The following ARHGEF3 variants were observed in gnomAD, a reference collection of about 807,000 sequenced individuals.
ARHGEF3 encodes the protein Rho guanine nucleotide exchange factor 3.
A neutral mutation model predicts 63.2 loss-of-function variants in ARHGEF3; 28 were observed. That is an observed-to-expected ratio of 0.44 (90% CI 0.33 to 0.61). ARHGEF3 has a LOEUF of 0.61. Among genes scored for constraint, ARHGEF3 ranks in the 20% least tolerant of loss-of-function variants. ARHGEF3 has a pLI of 0.03. For synonymous variants in ARHGEF3, 266 were observed against 254.2 expected (o/e 1.05, Z -0.44); for missense variants, 533 against 659.3 (o/e 0.81, Z 2.10).
intron 4 of ARHGEF3, among the ~76,000 whole-genome samples, chr3:56,853,715 C>T (rs1307309265): frequency 6.6e-6 from 1 of 152,230 alleles, no homozygotes; most frequent in Non-Finnish European, 1.5e-5. Flanking sequence ...ACCTCTTCCA[C>T]AAGCCATGGA....
At chr3:56,964,702 G>A (rs72870600) in intron 2 of ARHGEF3, among the ~76,000 whole-genome samples, 3 of 152,204 alleles carry the variant, frequency 2.0e-5, no homozygotes, top group African/African-American at 7.2e-5. Flanking sequence ...AAGTGGTAGT[G>A]AGGAGTGCCG....
At chr3:56,785,655 G>A (rs986838959) in intron 1 of ARHGEF3, among the ~76,000 whole-genome samples, 14 of 152,176 alleles carry the variant, frequency 9.2e-5, no homozygotes, top group Non-Finnish European at 1.6e-4. Context: ...CTTCCCAGAA[G>A]AGGAAAAAGA....
chr3:56,952,886 C>A (rs1489207002), intron 3 of ARHGEF3, among the ~76,000 whole-genome samples: 1 of 152,290 alleles, frequency 6.6e-6, no homozygotes, highest in East Asian at 1.9e-4. Flanking sequence ...CACGTCTAAC[C>A]TCCTTTGAGG....
At chr3:56,763,426 G>A (rs2035534852) in intron 2 of ARHGEF3, among the ~76,000 whole-genome samples, 1 of 152,142 alleles carries the variant, frequency 6.6e-6, no homozygotes, top group Admixed American at 6.5e-5. Context: ...ATAACTCCTA[G>A]GGAAAGAAAA....
intron 2 of ARHGEF3, among the ~76,000 whole-genome samples, chr3:57,024,636 C>T (rs11929671): frequency 0.26 from 39,596 of 151,786 alleles, 5,532 homozygotes; most frequent in Middle Eastern, 0.33. Flanking sequence ...TACAGGCACC[C>T]GCCACCACAC....
intron 3 of ARHGEF3, among the ~76,000 whole-genome samples, chr3:56,916,843 G>C (rs1028704608): frequency 6.6e-6 from 1 of 152,148 alleles, no homozygotes; most frequent in African/African-American, 2.4e-5. Flanking sequence ...CCAAGAATCA[G>C]TAGCCCTGTC....
intron 1 of ARHGEF3, among the ~76,000 whole-genome samples, chr3:57,056,854 C>A (rs773848689): frequency 2.0e-5 from 3 of 151,978 alleles, no homozygotes; most frequent in Non-Finnish European, 4.4e-5. Context: ...CTGGTCCACC[C>A]TGAAATCCTT....
intron 2 of ARHGEF3, among the ~76,000 whole-genome samples, chr3:56,990,924 G>A (rs1011710757): frequency 2.0e-5 from 3 of 152,142 alleles, no homozygotes; most frequent in Admixed American, 6.5e-5. Context: ...GAGATGAGCC[G>A]TGTACACTCA....
chr3:56,963,194 G>A (rs1370211257), intron 2 of ARHGEF3, among the ~76,000 whole-genome samples: 3 of 151,966 alleles, frequency 2.0e-5, no homozygotes, highest in Non-Finnish European at 4.4e-5. Context: ...AAAATTGAAG[G>A]AATAAATTCA....
At chr3:56,875,190 G>A (rs1454535006) in intron 4 of ARHGEF3, among the ~76,000 whole-genome samples, 1 of 152,146 alleles carries the variant, frequency 6.6e-6, no homozygotes, top group Non-Finnish European at 1.5e-5. Context: ...GTAGCACAGT[G>A]CCCATCACAT....
intron 3 of ARHGEF3, among the ~76,000 whole-genome samples, chr3:56,956,840 T>A (rs1700065253): frequency 6.6e-6 from 1 of 152,236 alleles, no homozygotes; most frequent in African/African-American, 2.4e-5. Context: ...AATTTCTCTA[T>A]AGTTCAAAAT....
At chr3:56,824,274 G>T (rs1415562813) in intron 4 of ARHGEF3, among the ~76,000 whole-genome samples, 1 of 152,194 alleles carries the variant, frequency 6.6e-6, no homozygotes, top group Non-Finnish European at 1.5e-5. Flanking sequence ...TGATAAAAAT[G>T]GAGATTTTGT....
chr3:57,073,882 C>T lies in ARHGEF3; in HGVS notation c.-28+5344G>A, dbSNP rs145406847. 91 of 1,614,096 alleles carry T rather than the reference C, an allele frequency of 5.6e-5. No individual in the cohort carries two copies. The Middle Eastern group carries it at 1.8e-3, about 32-fold the overall frequency. ...CAGGGTCCAGGTGTCCTGCCAGGAGCAGCCTCTGCCCTCCCAGAGCTGACA... is the reference window on the plus strand; with the variant it reads ...CAGGGTCCAGGTGTCCTGCCAGGAGTAGCCTCTGCCCTCCCAGAGCTGACA... On this transcript the variant is annotated intron_variant, in intron 1 of 12. Transcript: ENST00000338458.
chr3:56,986,328 C>T (rs766994189), intron 2 of ARHGEF3, among the ~76,000 whole-genome samples: 85 of 152,332 alleles, frequency 5.6e-4, no homozygotes, highest in Non-Finnish European at 1.0e-3. Context: ...ATCTCTGCCT[C>T]TAGTCTCTGA....
chr3:56,793,322 A>G (rs2037184689), intron 1 of ARHGEF3, among the ~76,000 whole-genome samples: 1 of 152,130 alleles, frequency 6.6e-6, no homozygotes, highest in Non-Finnish European at 1.5e-5. Flanking sequence ...GGTGCCCGCC[A>G]CCGCGCCCGG....
chr3:56,877,571 C>G (rs1190501859), intron 4 of ARHGEF3, among the ~76,000 whole-genome samples: 1 of 152,014 alleles, frequency 6.6e-6, no homozygotes, highest in African/African-American at 2.4e-5. Context: ...CAGGATCTCC[C>G]TGTGTTGCCC....
intron 3 of ARHGEF3, among the ~76,000 whole-genome samples, chr3:56,754,595 T>C (rs1358598527): frequency 1.3e-5 from 2 of 152,222 alleles, no homozygotes; most frequent in Non-Finnish European, 2.9e-5. Flanking sequence ...GGGAATGAAA[T>C]TAACTGGATT....
In ARHGEF3 at chr3:56,996,534, A is replaced by G. The variant is rs905161573; in HGVS notation, c.63-37645T>C. On this transcript the variant is annotated intron_variant, in intron 2 of 12. Transcript: ENST00000338458. ...CTTCTTTCCTTTCCATCTCATGAGG[A>G]CACAGTGAGAAGGCACCATCTATGA... 8.5e-5 allele frequency among the ~76,000 whole-genome samples: 13 copies of G among 152,338 alleles called. 1 individual carries two copies. The highest frequency in any genetic ancestry group is 7.8e-4 in the Admixed American group (12 of 15,298).
intron 1 of ARHGEF3, among the ~76,000 whole-genome samples, chr3:57,058,752 A>G (rs571652107): frequency 6.6e-6 from 1 of 152,142 alleles, no homozygotes; most frequent in Admixed American, 6.5e-5. Flanking sequence ...CCAATGTCCA[A>G]CAATGATAGA....
Sources: allele counts gnomAD v4.1 joint callset (sites outside exome capture counted in the v4.1 genomes callset), GRCh38; gene constraint gnomAD v4.1.1; transcripts MANE v1.5; gene names NCBI Gene and HGNC (gene_info 2026-07-23, HGNC 2026-07-21).